The following CRPPA variants were observed in gnomAD, a reference collection of about 807,000 sequenced individuals.
The protein encoded by CRPPA is D-ribitol-5-phosphate cytidylyltransferase.
CRPPA carries 43 observed loss-of-function variants against 52.0 expected under a neutral mutation model. The ratio of observed to expected loss-of-function variants is 0.83; its 90% CI spans 0.65 to 1.07. CRPPA has a LOEUF of 1.07. Ranked by LOEUF, CRPPA falls within the 50% of genes least tolerant of loss-of-function variation. The pLI is 0.00. For missense variants in CRPPA, 629 were observed against 551.7 expected, an observed-to-expected ratio of 1.14 and a Z score of -1.40; for synonymous variants, 250 against 203.5, an observed-to-expected ratio of 1.23 and a Z score of -1.94.
At chr7:16,181,917 T>C (rs1293414434) in intron 9 of CRPPA, among the ~76,000 whole-genome samples, 1 of 151,994 alleles carries the variant, frequency 6.6e-6, no homozygotes, top group African/African-American at 2.4e-5. Context: ...TTTTAAGCTG[T>C]TTAATATATA....
At chr7:16,170,797 T>C (rs1781166265) in intron 9 of CRPPA, among the ~76,000 whole-genome samples, 2 of 152,194 alleles carry the variant, frequency 1.3e-5, no homozygotes, top group African/African-American at 4.8e-5. Context: ...GGGGACCTGG[T>C]GCACCCTATG....
chr7:16,120,895 C>T (rs1304114091), intron 9 of CRPPA, among the ~76,000 whole-genome samples: 3 of 151,830 alleles, frequency 2.0e-5, no homozygotes, highest in South Asian at 2.1e-4. Flanking sequence ...ATCACAGAAC[C>T]TGGGAATGTA....
chr7:16,265,979 G>A (rs183468654), intron 6 of CRPPA, among the ~76,000 whole-genome samples: 1 of 152,158 alleles, frequency 6.6e-6, no homozygotes, highest in South Asian at 2.1e-4. Context: ...CTGGACATCA[G>A]TGTTACTCTA....
chr7:16,397,473 T>A (rs556144861), intron 2 of CRPPA, among the ~76,000 whole-genome samples: 3 of 152,106 alleles, frequency 2.0e-5, no homozygotes, highest in African/African-American at 7.2e-5. Flanking sequence ...ATGTGACTCA[T>A]AGTTGACATA....
chr7:16,160,022 T>C (rs1198717112), intron 9 of CRPPA, among the ~76,000 whole-genome samples: 1 of 152,158 alleles, frequency 6.6e-6, no homozygotes, highest in East Asian at 1.9e-4. Context: ...TTTTGATGTT[T>C]TTTTTTCTTG....
intron 6 of CRPPA, among the ~76,000 whole-genome samples, chr7:16,273,929 G>A (rs1784148697): frequency 6.6e-6 from 1 of 152,176 alleles, no homozygotes; most frequent in South Asian, 2.1e-4. Context: ...GTGGAGAGCT[G>A]TGGGCTGATT....
intron 9 of CRPPA, among the ~76,000 whole-genome samples, chr7:16,116,563 G>A (rs1201424753): frequency 1.3e-5 from 2 of 151,212 alleles, no homozygotes; most frequent in African/African-American, 4.9e-5. Flanking sequence ...TACTTGGGAA[G>A]CTGAGGCAGA....
chr7:16,311,028 A>C (rs1785023932), intron 3 of CRPPA, among the ~76,000 whole-genome samples: 1 of 152,124 alleles, frequency 6.6e-6, no homozygotes, highest in Non-Finnish European at 1.5e-5. Flanking sequence ...ACACTTTTTA[A>C]GACTTTAAAT....
At chr7:16,169,692 G>T (rs1191359860) in intron 9 of CRPPA, among the ~76,000 whole-genome samples, 1 of 152,156 alleles carries the variant, frequency 6.6e-6, no homozygotes, top group African/African-American at 2.4e-5. Flanking sequence ...AGTTCTTTTT[G>T]TGCTATGCTG....
intron 9 of CRPPA, among the ~76,000 whole-genome samples, chr7:16,110,441 T>A (rs1782237614): frequency 6.6e-6 from 1 of 152,072 alleles, no homozygotes; most frequent in South Asian, 2.1e-4. Context: ...CATATGGAAC[T>A]GCAAAAAACC....
At chr7:16,347,589 C>T (rs1786046125) in intron 3 of CRPPA, among the ~76,000 whole-genome samples, 1 of 152,186 alleles carries the variant, frequency 6.6e-6, no homozygotes, top group Middle Eastern at 3.4e-3. Context: ...GCTCCAGATT[C>T]CCCCTTCACC....
At chr7:16,401,872 T>C (rs1418481242) in intron 2 of CRPPA, among the ~76,000 whole-genome samples, 1 of 152,038 alleles carries the variant, frequency 6.6e-6, no homozygotes, top group Non-Finnish European at 1.5e-5. Context: ...TAAAAAAATA[T>C]ATATATAGGA....
At chr7:16,111,357 G>A (rs1035040263) in intron 9 of CRPPA, among the ~76,000 whole-genome samples, 3 of 152,136 alleles carry the variant, frequency 2.0e-5, no homozygotes, top group Non-Finnish European at 2.9e-5. Context: ...GTGGGAAACT[G>A]TATGGTTGTT....
intron 2 of CRPPA, among the ~76,000 whole-genome samples, chr7:16,386,311 T>C (rs2128313915): frequency 6.6e-6 from 1 of 152,284 alleles, no homozygotes; most frequent in East Asian, 1.9e-4. Flanking sequence ...TGCTCTTTTG[T>C]CTGTCTGCTC....
intron 9 of CRPPA, among the ~76,000 whole-genome samples, chr7:16,174,587 T>C (rs775074456): frequency 1.3e-5 from 2 of 152,162 alleles, no homozygotes; most frequent in Non-Finnish European, 2.9e-5. Flanking sequence ...GGAAAAAGCA[T>C]TAAATGATGA....
chr7:16,201,428 A>G (rs528654678), intron 9 of CRPPA, among the ~76,000 whole-genome samples: 1 of 152,286 alleles, frequency 6.6e-6, no homozygotes, highest in Admixed American at 6.5e-5. Context: ...ATCAAATGGT[A>G]TCTTTTCCAA....
chr7:16,362,968 C>T (rs1786497090), intron 3 of CRPPA, among the ~76,000 whole-genome samples: 1 of 152,066 alleles, frequency 6.6e-6, no homozygotes, highest in Admixed American at 6.5e-5. Context: ...AAACATAATA[C>T]TATGCCCATA....
At chr7:16,255,556 A>G (rs529994895) in intron 8 of CRPPA, among the ~76,000 whole-genome samples, 6 of 152,358 alleles carry the variant, frequency 3.9e-5, no homozygotes, top group South Asian at 2.1e-4. Flanking sequence ...GCAAGGCTAC[A>G]GTAACCAAAA....
Position 16,113,168 on chromosome 7 carries a change from T to G in CRPPA, c.1252-21369A>C, listed in dbSNP as rs536322772. On this transcript the variant is annotated intron_variant, in intron 9 of 9. Coordinates refer to ENST00000407010, the MANE Select transcript of CRPPA (RefSeq NM_001101426.4). ...ATACAAAAGACAGAATTTTTGTAAA[T>G]GAAAAGCATTGTTGAACATAAAGAA... Among the ~76,000 whole-genome samples the G allele has an allele frequency of 4.6e-5, 7 of 151,876 alleles. No individual in the cohort carries two copies. In the South Asian group the frequency reaches 1.5e-3, roughly 32 times the overall value.
Sources: allele counts gnomAD v4.1 joint callset (sites outside exome capture counted in the v4.1 genomes callset), GRCh38; gene constraint gnomAD v4.1.1; transcripts MANE v1.5; gene names NCBI Gene and HGNC (gene_info 2026-07-23, HGNC 2026-07-21).